STAM: variants seen among roughly 807,000 people sequenced by gnomAD.
The protein encoded by STAM is signal transducing adapter molecule 1.
In STAM, 16 loss-of-function variants were observed where a neutral mutation model predicts 63.4. That is an observed-to-expected ratio of 0.25 (90% CI 0.17 to 0.38). STAM has a LOEUF of 0.38. Ranked by LOEUF, STAM falls within the 10% of genes least tolerant of loss-of-function variation. The pLI, the probability that STAM is intolerant of heterozygous loss-of-function variation, is 1.00. For missense variants in STAM, 636 were observed against 657.1 expected (o/e 0.97, Z 0.35); for synonymous variants, 238 against 223.9 (o/e 1.06, Z -0.56).
At chr10:17,656,242 C>T (rs1241223105) in intron 1 of STAM, among the ~76,000 whole-genome samples, 3 of 148,590 alleles carry the variant, frequency 2.0e-5, no homozygotes, top group African/African-American at 7.5e-5. Context: ...TGCAGTGAGC[C>T]GAGATCGCAC....
At position 17,714,966 on chromosome 10, in the gene STAM, C is replaced by G. The variant is rs896429872; in HGVS notation, c.*186C>G. ...TGACTTTTTAGAGGTTCTTCCCCCC[C>G]CGCCCCTGCAGAGGAATGAAACTAC... On this transcript the variant is annotated 3_prime_UTR_variant, in exon 14 of 14. Coordinates refer to ENST00000377524, the MANE Select transcript of STAM (RefSeq NM_003473.4). 1 of 601,768 alleles carries G rather than the reference C, an allele frequency of 1.7e-6. No homozygotes were observed. Among genetic ancestry groups the G allele is most frequent in the Non-Finnish European group, 2.9e-6 (1 of 342,026 alleles). 37.3% of individuals were successfully genotyped at this position (601,768 alleles called of 1,614,324 possible).
intron 2 of STAM, among the ~76,000 whole-genome samples, chr10:17,671,113 TC>T (rs1834621907): frequency 6.6e-6 from 1 of 152,202 alleles, no homozygotes; most frequent in Non-Finnish European, 1.5e-5. Flanking sequence ...AGATTTGAGT[TC>T]CCATGTCTTT....
chr10:17,698,077 G>A (rs1388005517), intron 8 of STAM, among the ~76,000 whole-genome samples: 1 of 152,246 alleles, frequency 6.6e-6, no homozygotes, highest in East Asian at 1.9e-4. Context: ...TCTCTTTCAA[G>A]AGAAGGCTTG....
At chr10:17,645,248 T>A (rs1833475974) in intron 1 of STAM, among the ~76,000 whole-genome samples, 1 of 152,210 alleles carries the variant, frequency 6.6e-6, no homozygotes. Context: ...AAGTGTGGAA[T>A]GAAAGCAAGC....
At position 17,688,164 on chromosome 10, in the gene STAM, T is replaced by C. The variant is rs116101557; in HGVS notation, c.435T>C (p.Ile145=). The change falls in exon 5 of 14, where the codon ATT becomes ATC. Residue 145 remains isoleucine, a synonymous_variant. Coordinates refer to ENST00000377524, the MANE Select transcript of STAM (RefSeq NM_003473.4). ...LKEQGVTFPA[I]GSQAAEQAKA... is the part of the protein sequence containing the mutation. ...AACAAGGAGTTACGTTCCCAGCTATTGGCTCTCAGGTATTTTGGGAATGAA... is the reference window on the plus strand; with the variant it reads ...AACAAGGAGTTACGTTCCCAGCTATCGGCTCTCAGGTATTTTGGGAATGAA... The C allele has an allele frequency of 8.1e-4, 1,271 of 1,563,370 alleles. 6 individuals carry two copies. In the African/African-American group the frequency reaches 0.015, roughly 19 times the overall value.
chr10:17,706,209 AC>A (rs1458839002), intron 12 of STAM, among the ~76,000 whole-genome samples: 2 of 151,510 alleles, frequency 1.3e-5, no homozygotes, highest in African/African-American at 4.8e-5. Context: ...CATATAATAT[AC>A]TAATTATGCT....
intron 1 of STAM, among the ~76,000 whole-genome samples, chr10:17,647,979 C>A (rs1262677567): frequency 6.6e-6 from 1 of 151,854 alleles, no homozygotes; most frequent in Non-Finnish European, 1.5e-5. Context: ...TTTGCCCAAA[C>A]CTGCTCATTC....
intron 9 of STAM, among the ~76,000 whole-genome samples, chr10:17,702,261 A>T (rs1836031144): frequency 6.6e-6 from 1 of 152,190 alleles, no homozygotes; most frequent in Non-Finnish European, 1.5e-5. Flanking sequence ...CAGTTTACAT[A>T]CTTTTAGTGC....
In STAM at chr10:17,715,955, C is replaced by T. The variant is rs1836797392; in HGVS notation, c.*1175C>T. 6.6e-6 allele frequency: 1 copy of T among 152,472 alleles called. No homozygotes were observed. The allele number at this position is 152,472 out of a possible 1,614,324, so 9.4% of individuals were successfully genotyped here. On this transcript the variant is annotated 3_prime_UTR_variant, in exon 14 of 14. Transcript: ENST00000377524. Reference sequence around the variant, plus strand: ...TTAACGTTTATATAGGTATTGTTTTCTTTCACACTGGATTTTTGGGTTGCT... The same window carrying T: ...TTAACGTTTATATAGGTATTGTTTTTTTTCACACTGGATTTTTGGGTTGCT...
intron 1 of STAM, among the ~76,000 whole-genome samples, 183 bp from the exon 2 acceptor site, chr10:17,660,281 A>G (rs1834111849): frequency 6.6e-6 from 1 of 152,238 alleles, no homozygotes; most frequent in African/African-American, 2.4e-5. Context: ...TAGGGAAAAT[A>G]ATTGCAAGAG....
Position 17,705,606 on chromosome 10 carries a change from AGAACTTAATGT to A in STAM, c.1078_1088del (p.Leu360SerfsTer90). 1 of 1,612,810 alleles carries A rather than the reference AGAACTTAATGT, an allele frequency of 6.2e-7. No individual in the cohort carries two copies. Among genetic ancestry groups the A allele is most frequent in the Non-Finnish European group, 8.5e-7 (1 of 1,179,680 alleles). On this transcript the variant is annotated frameshift_variant, in exon 12 of 14. Transcript: ENST00000377524. LOFTEE classifies it high-confidence loss of function. ...GTTTCAGAAAACATTCAGAACTCTC[AGAACTTAATGT>A]GAAAGTGATGGAGGCCCTTTCCTTA...
At chr10:17,708,126 G>A (rs577649229) in intron 12 of STAM, among the ~76,000 whole-genome samples, 2 of 152,248 alleles carry the variant, frequency 1.3e-5, no homozygotes, top group Middle Eastern at 3.4e-3. Flanking sequence ...TCCTGACCTC[G>A]TGATCTGCCT....
At chr10:17,692,804 G>T (rs565516067) in intron 5 of STAM, among the ~76,000 whole-genome samples, 3 of 152,102 alleles carry the variant, frequency 2.0e-5, no homozygotes, top group South Asian at 4.2e-4. Flanking sequence ...AAAAGGAAAT[G>T]ATAACTCTAA....
At chr10:17,681,981 A>C (rs907168309) in intron 2 of STAM, among the ~76,000 whole-genome samples, 1 of 152,222 alleles carries the variant, frequency 6.6e-6, no homozygotes, top group East Asian at 1.9e-4. Context: ...CATGTTTGCT[A>C]CATTCTTGGC....
intron 1 of STAM, among the ~76,000 whole-genome samples, chr10:17,659,485 T>TC (rs1437638833): frequency 6.8e-6 from 1 of 147,306 alleles, no homozygotes; most frequent in Non-Finnish European, 1.5e-5. Context: ...TTTTTTTTTT[T>TC]AAAGAGATAG....
intron 2 of STAM, among the ~76,000 whole-genome samples, chr10:17,680,863 T>C (rs1554825278): frequency 6.6e-6 from 1 of 152,242 alleles, no homozygotes; most frequent in African/African-American, 2.4e-5. Flanking sequence ...TATCCATTTA[T>C]GCGTCTGTGG....
rs370439088 is a variant in STAM, at chr10:17,695,214, G to A, written c.701G>A (p.Gly234Glu). The change falls in exon 7 of 14, where the codon GGA (glycine) becomes GAA (glutamate). Residue 234 changes from glycine (G) to glutamate (E), a missense_variant. Transcript: ENST00000377524. ...GACAATGAACTTACTTTTAAAGCTG[G>A]AGAAATTATTACAGTTCTTGATGAC... ...AEDNELTFKA[G>E]EIITVLDDSD... The A allele has an allele frequency of 9.9e-6, 16 of 1,613,536 alleles. No homozygotes were observed. The highest frequency in any genetic ancestry group is 1.4e-5 in the Non-Finnish European group (16 of 1,179,820).
chr10:17,657,851 T>C (rs368016594), intron 1 of STAM, among the ~76,000 whole-genome samples: 5 of 132,934 alleles, frequency 3.8e-5, no homozygotes, highest in Admixed American at 7.6e-5. Context: ...TTCTCTCTCT[T>C]TTTTTTTTTT....
chr10:17,658,072 G>A (rs913326071), intron 1 of STAM, among the ~76,000 whole-genome samples: 2 of 151,788 alleles, frequency 1.3e-5, no homozygotes, highest in Admixed American at 1.3e-4. Context: ...TTTAGATCTT[G>A]ATTCTTTTTA....
Sources: gnomAD v4.1 joint callset for allele counts (sites outside exome capture counted in the v4.1 genomes callset) on GRCh38, gnomAD v4.1.1 for gene constraint, MANE v1.5 for transcripts, NCBI Gene and HGNC (gene_info 2026-07-23, HGNC 2026-07-21) for gene names.